MSI2: variants seen among roughly 807,000 people sequenced by gnomAD.
The protein encoded by MSI2 is RNA-binding protein Musashi homolog 2.
A neutral mutation model predicts 45.6 loss-of-function variants in MSI2; 17 were observed. The observed-to-expected ratio is 0.37, with a 90% confidence interval of 0.26 to 0.56. The LOEUF is 0.56. MSI2 is among the 20% of genes least tolerant of loss of function. MSI2 has a pLI of 0.77. For synonymous variants in MSI2, 156 were observed against 158.2 expected (o/e 0.99, Z 0.11); for missense variants, 293 against 444.2 (o/e 0.66, Z 3.06).
chr17:57,257,432 T>TA, intron 2 of MSI2, 34 bp from the exon 3 acceptor site: 1 of 1,033,978 alleles, frequency 9.7e-7, no homozygotes, highest in Non-Finnish European at 1.4e-6. Context: ...ACACCTTCTC[T>TA]CCCCCCCCCA....
intron 5 of MSI2, among the ~76,000 whole-genome samples, chr17:57,340,492 G>A (rs1316397421): frequency 6.6e-6 from 1 of 152,144 alleles, no homozygotes; most frequent in Non-Finnish European, 1.5e-5. Flanking sequence ...TGTTGCCCTG[G>A]AACAAAGGGT....
chr17:57,638,999 TC>T (rs1186829979), intron 10 of MSI2, among the ~76,000 whole-genome samples: 1 of 152,164 alleles, frequency 6.6e-6, no homozygotes, highest in Admixed American at 6.5e-5. Context: ...GAGGACCACT[TC>T]CTGGTTCGTA....
intron 6 of MSI2, among the ~76,000 whole-genome samples, chr17:57,475,402 C>T (rs1276557681): frequency 6.6e-6 from 1 of 152,108 alleles, no homozygotes; most frequent in East Asian, 1.9e-4. Flanking sequence ...AGAATAAAGC[C>T]CAAGTGGCAT....
chr17:57,649,335 C>T (rs568003613), intron 10 of MSI2, among the ~76,000 whole-genome samples: 1 of 151,880 alleles, frequency 6.6e-6, no homozygotes, highest in African/African-American at 2.4e-5. Flanking sequence ...AACACACATC[C>T]ACATACGCCC....
In MSI2 at chr17:57,420,863, G is replaced by A. The variant is rs538983487; in HGVS notation, c.405+19392G>A. Among the ~76,000 whole-genome samples, 31 of 152,326 alleles carry A rather than the reference G, an allele frequency of 2.0e-4. 1 individual carries two copies. In the South Asian group the frequency reaches 5.2e-3, roughly 25 times the overall value. On this transcript the variant is annotated intron_variant, in intron 6 of 13. Transcript: ENST00000284073. ...ATCTGGTACAATTGCCTCCGCAAAC[G>A]CAGTAACAAGGCGGCCTGCAGTTCA...
intron 6 of MSI2, among the ~76,000 whole-genome samples, chr17:57,468,503 A>G (rs1036032100): frequency 6.9e-6 from 1 of 144,742 alleles, no homozygotes; most frequent in Non-Finnish European, 1.5e-5. Context: ...CCTGGGCAAC[A>G]GAGCGAGACT....
chr17:57,569,387 G>A (rs549815034), intron 7 of MSI2, among the ~76,000 whole-genome samples: 45 of 152,254 alleles, frequency 3.0e-4, no homozygotes, highest in African/African-American at 5.1e-4. Context: ...GGAGTTTTGC[G>A]GGCAGCTGTC....
At chr17:57,548,168 T>C (rs2087214859) in intron 7 of MSI2, among the ~76,000 whole-genome samples, 1 of 152,152 alleles carries the variant, frequency 6.6e-6, no homozygotes, top group Non-Finnish European at 1.5e-5. Flanking sequence ...AAACCAACTC[T>C]GGGGTCCAAA....
Position 57,649,457 on chromosome 17 carries a change from C to T in MSI2, c.728-2642C>T, listed in dbSNP as rs1300369164. On this transcript the variant is annotated intron_variant, in intron 10 of 13. Coordinates refer to ENST00000284073, the MANE Select transcript of MSI2 (RefSeq NM_138962.4). ...CACACACACATCCAATACATACACT[C>T]AACACACACATCCACATACACCCAA... Among the ~76,000 whole-genome samples, 2 of 151,888 alleles carry T rather than the reference C, an allele frequency of 1.3e-5. 1 individual carries two copies. Among genetic ancestry groups the T allele is most frequent in the East Asian group, 3.8e-4 (2 of 5,198 alleles).
In MSI2 at chr17:57,417,974, T is replaced by C. The variant is rs184868609; in HGVS notation, c.405+16503T>C. 2.1e-3 allele frequency among the ~76,000 whole-genome samples: 324 copies of C among 152,348 alleles called. 5 individuals carry two copies. Among genetic ancestry groups the C allele is most frequent in the Admixed American group, 0.019 (290 of 15,312 alleles). ...TCTAGGAATTACAGAGTCATTGTTA[T>C]TATTCCTCCTCTCATTCGTAGCTCC... is the stretch of plus-strand genomic sequence containing the variant. On this transcript the variant is annotated intron_variant, in intron 6 of 13. Coordinates refer to ENST00000284073, the MANE Select transcript of MSI2 (RefSeq NM_138962.4).
chr17:57,662,741 A>G, intron 11 of MSI2, among the ~76,000 whole-genome samples: 1 of 152,298 alleles, frequency 6.6e-6, no homozygotes, highest in South Asian at 2.1e-4. Context: ...AGATAACCCC[A>G]AATCATTTAC....
intron 7 of MSI2, among the ~76,000 whole-genome samples, chr17:57,593,149 C>T (rs1181249341): frequency 6.6e-6 from 1 of 152,186 alleles, no homozygotes; most frequent in Admixed American, 6.5e-5. Flanking sequence ...TTCATCCACT[C>T]TCTCCTGCCT....
intron 11 of MSI2, among the ~76,000 whole-genome samples, chr17:57,661,082 A>G (rs1911956618): frequency 1.3e-5 from 2 of 152,232 alleles, no homozygotes; most frequent in Admixed American, 6.5e-5. Context: ...ATGTTAGTAT[A>G]TAGCTGCTCA....
intron 5 of MSI2, among the ~76,000 whole-genome samples, chr17:57,274,088 A>G (rs1908648093): frequency 6.6e-6 from 1 of 152,208 alleles, no homozygotes; most frequent in South Asian, 2.1e-4. Flanking sequence ...CGTTCACAAT[A>G]GAGAAATCAT....
chr17:57,626,775 G>A (rs1598468625), intron 9 of MSI2: 1 of 166,456 alleles, frequency 6.0e-6, no homozygotes, highest in Admixed American at 5.8e-5. Flanking sequence ...GAGTTTGGCC[G>A]CTAAACTGTG....
intron 11 of MSI2, among the ~76,000 whole-genome samples, chr17:57,670,276 C>T (rs1308094599): frequency 3.3e-5 from 5 of 152,154 alleles, no homozygotes; most frequent in South Asian, 2.1e-4. Flanking sequence ...GTTCTGACTA[C>T]CACCACTTCC....
chr17:57,443,334 C>T (rs1046165617), intron 6 of MSI2, among the ~76,000 whole-genome samples: 9 of 152,184 alleles, frequency 5.9e-5, no homozygotes, highest in Non-Finnish European at 1.2e-4. Context: ...GTTTGTGCCG[C>T]GTGTTTGTGG....
chr17:57,405,155 G>T (rs950383609), intron 6 of MSI2, among the ~76,000 whole-genome samples: 3 of 152,130 alleles, frequency 2.0e-5, no homozygotes, highest in Non-Finnish European at 2.9e-5. Flanking sequence ...CAGCCTGATG[G>T]GTTGTTCCTT....
chr17:57,552,424 C>T lies in MSI2; in HGVS notation c.454+22700C>T, dbSNP rs908959101. ...CTCACTGCCCTGCTGCATCCAGCCC[C>T]TGGGTCTTCCACCTCCTGGCACGCT... On this transcript the variant is annotated intron_variant, in intron 7 of 13. Transcript: ENST00000284073. This position sits in a 1 kb window ranked among gnomAD's most constrained non-coding sequence, Gnocchi z 4.3. Among the ~76,000 whole-genome samples the T allele has an allele frequency of 6.6e-6, 1 of 152,150 alleles. No homozygotes were observed. The highest frequency in any genetic ancestry group is 1.5e-5 in the Non-Finnish European group (1 of 68,014).
Sources: allele counts gnomAD v4.1 joint callset (sites outside exome capture counted in the v4.1 genomes callset), GRCh38; gene constraint gnomAD v4.1.1; non-coding constraint Gnocchi (gnomAD v3.1); transcripts MANE v1.5; gene names NCBI Gene and HGNC (gene_info 2026-07-23, HGNC 2026-07-21).